The following CNTNAP5 variants were observed in gnomAD, a reference collection of about 807,000 sequenced individuals.
CNTNAP5 encodes the protein contactin-associated protein-like 5.
In CNTNAP5, 72 loss-of-function variants were observed where a neutral mutation model predicts 150.2. That is an observed-to-expected ratio of 0.48 (90% CI 0.40 to 0.58). The LOEUF is 0.58. CNTNAP5 is among the 20% of genes least tolerant of loss of function. CNTNAP5 has a pLI of 0.00. For missense variants in CNTNAP5, 1,636 were observed against 1,626.2 expected (o/e 1.01, Z -0.10); for synonymous variants, 672 against 619.8 (o/e 1.08, Z -1.25).
intron 1 of CNTNAP5, chr2:124,135,195 T>TTTCACCTTTTATGAAGCG (rs1207942438): frequency 2.0e-5 from 3 of 152,222 alleles, no homozygotes; most frequent in Admixed American, 1.3e-4. Context: ...CGGCCAAGGT[T>TTTCACCTTTTATGAAGCG]TTCACCTTTT....
chr2:124,175,590 C>G (rs951572904), intron 1 of CNTNAP5, among the ~76,000 whole-genome samples: 10 of 152,078 alleles, frequency 6.6e-5, no homozygotes, highest in Non-Finnish European at 1.3e-4. Context: ...AGCCCTTGCC[C>G]CCACCCAAGT....
chr2:124,426,712 CT>C (rs1573987860), intron 4 of CNTNAP5, among the ~76,000 whole-genome samples: 1 of 152,106 alleles, frequency 6.6e-6, no homozygotes, highest in South Asian at 2.1e-4. Flanking sequence ...CAGTGAAGCC[CT>C]TTTTTTAGCT....
intron 17 of CNTNAP5, among the ~76,000 whole-genome samples, chr2:124,782,280 C>T (rs1018086027): frequency 6.6e-6 from 1 of 152,078 alleles, no homozygotes; most frequent in Admixed American, 6.6e-5. Flanking sequence ...GCCTGCATGC[C>T]CAGCAGGAAA....
chr2:124,220,493 A>G (rs1042015638), intron 1 of CNTNAP5, among the ~76,000 whole-genome samples: 2 of 152,138 alleles, frequency 1.3e-5, no homozygotes, highest in Admixed American at 1.3e-4. Flanking sequence ...AATGTGTGTC[A>G]CCCAATGGAA....
At chr2:124,563,011 G>T (rs13428803) in intron 10 of CNTNAP5, among the ~76,000 whole-genome samples, 4 of 152,078 alleles carry the variant, frequency 2.6e-5, no homozygotes, top group African/African-American at 9.7e-5. Flanking sequence ...CTTTCATTGC[G>T]CAGTAATGCA....
At chr2:124,454,618 T>C (rs1350309551) in intron 6 of CNTNAP5, among the ~76,000 whole-genome samples, 5 of 152,084 alleles carry the variant, frequency 3.3e-5, no homozygotes, top group Non-Finnish European at 7.4e-5. Flanking sequence ...TAGAATGTTC[T>C]CCAAGATAGA....
chr2:124,721,482 AAAATAAAT>A lies in CNTNAP5; in HGVS notation c.2078-25725_2078-25718del, dbSNP rs796076753. On this transcript the variant is annotated intron_variant, in intron 13 of 23. Transcript: ENST00000682447. ...GGGTGACAGAGTGAGACTCCATCTC[AAAATAAAT>A]AAATAAATAAATAAATAAATACATA... Among the ~76,000 whole-genome samples, 16 of 118,758 alleles carry A rather than the reference AAAATAAAT, an allele frequency of 1.3e-4. 1 individual carries two copies. Among genetic ancestry groups the A allele is most frequent in the South Asian group, 2.7e-4 (1 of 3,680 alleles). The allele number at this position is 118,758 out of a possible 152,430, so 77.9% of individuals were successfully genotyped here.
At chr2:124,716,024 A>G (rs1679937020) in intron 13 of CNTNAP5, among the ~76,000 whole-genome samples, 2 of 152,202 alleles carry the variant, frequency 1.3e-5, no homozygotes, top group African/African-American at 4.8e-5. Flanking sequence ...AAGTCAGAAT[A>G]CAGGTGAAGC....
chr2:124,154,328 G>A (rs1037514513), intron 1 of CNTNAP5, among the ~76,000 whole-genome samples: 5 of 152,208 alleles, frequency 3.3e-5, no homozygotes, highest in Non-Finnish European at 5.9e-5. Context: ...GGAGATAAAC[G>A]GAACAGTAGT....
At chr2:124,416,941 T>C (rs887894613) in intron 3 of CNTNAP5, among the ~76,000 whole-genome samples, 3 of 146,706 alleles carry the variant, frequency 2.0e-5, no homozygotes, top group Non-Finnish European at 4.5e-5. Flanking sequence ...GATTTCTTTT[T>C]TTTTTTTTTT....
intron 6 of CNTNAP5, among the ~76,000 whole-genome samples, chr2:124,463,251 A>G (rs1041808803): frequency 2.6e-5 from 4 of 152,220 alleles, no homozygotes; most frequent in African/African-American, 9.6e-5. Flanking sequence ...TCTAATGTAA[A>G]AATATAGTAA....
intron 10 of CNTNAP5, among the ~76,000 whole-genome samples, chr2:124,552,101 A>G (rs775500094): frequency 6.6e-6 from 1 of 152,156 alleles, no homozygotes; most frequent in Non-Finnish European, 1.5e-5. Context: ...TACATGAATC[A>G]ATAGGGGGCA....
intron 19 of CNTNAP5, among the ~76,000 whole-genome samples, chr2:124,849,824 T>C (rs1683119599): frequency 6.6e-6 from 1 of 152,240 alleles, no homozygotes; most frequent in African/African-American, 2.4e-5. Context: ...AGTCTTTTGC[T>C]CTGGGACGCC....
chr2:124,643,940 AG>A (rs1678148863), intron 12 of CNTNAP5, among the ~76,000 whole-genome samples: 1 of 152,248 alleles, frequency 6.6e-6, no homozygotes, highest in Admixed American at 6.5e-5. Context: ...GCATTGAAGA[AG>A]TAATAATTTC....
intron 1 of CNTNAP5, among the ~76,000 whole-genome samples, chr2:124,175,797 G>C (rs1685050781): frequency 6.6e-6 from 1 of 152,154 alleles, no homozygotes; most frequent in South Asian, 2.1e-4. Context: ...ATTCCATTGT[G>C]TATATGTACC....
At chr2:124,218,375 A>G (rs986262446) in intron 1 of CNTNAP5, among the ~76,000 whole-genome samples, 1 of 152,168 alleles carries the variant, frequency 6.6e-6, no homozygotes, top group African/African-American at 2.4e-5. Flanking sequence ...CATGTGAGAC[A>G]GAAGTGACAG....
chr2:124,404,885 CTG>C (rs1691530790), intron 3 of CNTNAP5, among the ~76,000 whole-genome samples: 1 of 152,134 alleles, frequency 6.6e-6, no homozygotes, highest in South Asian at 2.1e-4. Context: ...AACTCCTAAA[CTG>C]TGTTTCCGTG....
intron 11 of CNTNAP5, among the ~76,000 whole-genome samples, chr2:124,578,187 G>T (rs925189321): frequency 6.7e-6 from 1 of 149,928 alleles, no homozygotes; most frequent in Non-Finnish European, 1.5e-5. Context: ...AAAATTAGCC[G>T]GGCATGGTGG....
intron 19 of CNTNAP5, among the ~76,000 whole-genome samples, chr2:124,860,384 T>C (rs1046039025): frequency 2.0e-5 from 3 of 151,552 alleles, no homozygotes; most frequent in African/African-American, 7.3e-5. Context: ...CACCAAATTA[T>C]TCAATTATTT....
Sources: gnomAD v4.1 joint callset for allele counts (sites outside exome capture counted in the v4.1 genomes callset) on GRCh38, gnomAD v4.1.1 for gene constraint, MANE v1.5 for transcripts, NCBI Gene and HGNC (gene_info 2026-07-23, HGNC 2026-07-21) for gene names.